Variants in IDE observed in about 807,000 individuals in gnomAD.
IDE encodes the protein insulin-degrading enzyme.
Under a neutral mutation model 133.2 loss-of-function variants are expected in IDE, and 58 were observed. The observed-to-expected ratio is 0.44, with a 90% CI of 0.35 to 0.54. IDE has a LOEUF of 0.54. Among genes scored for constraint, IDE ranks in the 20% least tolerant of loss-of-function variants. The pLI, the probability that IDE is intolerant of heterozygous loss-of-function variation, is 0.00. For missense variants in IDE, 981 were observed against 1,234.0 expected, an observed-to-expected ratio of 0.79 and a Z score of 3.07; for synonymous variants, 396 against 421.3, an observed-to-expected ratio of 0.94 and a Z score of 0.73.
intron 4 of IDE, among the ~76,000 whole-genome samples, chr10:92,524,462 T>A (rs369293426): frequency 0.051 from 2,371 of 46,706 alleles, 520 homozygotes; most frequent in Non-Finnish European, 0.064. Context: ...TATTATATAT[T>A]TTATATAATA....
Position 92,480,687 on chromosome 10 carries a change from T to TG in IDE, c.1740-1267dup, listed in dbSNP as rs1349458360. 2.0e-5 allele frequency: 3 copies of TG among 152,466 alleles called. No individual in the cohort carries two copies. The East Asian group carries it at 5.8e-4, about 29-fold the overall frequency. 9.4% of individuals were successfully genotyped at this position (152,466 alleles called of 1,614,324 possible). On this transcript the variant is annotated intron_variant, in intron 14 of 24. Coordinates refer to ENST00000265986, the MANE Select transcript of IDE (RefSeq NM_004969.4). The stretch of plus-strand genomic sequence containing the variant: ...GAGGCAGGTGCCTGCTTGGCTTGTT[T>TG]GGCAGCAAATTAAAAGTTTCACTCT...
intron 5 of IDE, among the ~76,000 whole-genome samples, chr10:92,510,555 A>C (rs1283724060): frequency 6.6e-6 from 1 of 151,974 alleles, no homozygotes; most frequent in Admixed American, 6.6e-5. Context: ...TTTATTTATA[A>C]AAGACGCCTA....
At chr10:92,563,049 G>A (rs943312383) in intron 1 of IDE, among the ~76,000 whole-genome samples, 8 of 152,150 alleles carry the variant, frequency 5.3e-5, no homozygotes, top group East Asian at 1.9e-4. Context: ...TCAGGCGTTC[G>A]AGACCAGCCT....
chr10:92,482,157 T>C (rs550403038), intron 14 of IDE, among the ~76,000 whole-genome samples: 1 of 152,328 alleles, frequency 6.6e-6, no homozygotes, highest in Admixed American at 6.5e-5. Context: ...AAACCTTATC[T>C]ACCTCTAATT....
chr10:92,530,054 C>T (rs1849830337), intron 4 of IDE, among the ~76,000 whole-genome samples: 1 of 151,852 alleles, frequency 6.6e-6, no homozygotes, highest in South Asian at 2.1e-4. Context: ...GGAGAAACCC[C>T]GCCTCTACTA....
At chr10:92,549,028 C>A (rs1004801523) in intron 1 of IDE, among the ~76,000 whole-genome samples, 1 of 152,074 alleles carries the variant, frequency 6.6e-6, no homozygotes, top group Admixed American at 6.6e-5. Context: ...GAGGCTGAGG[C>A]GGGCGGATCA....
chr10:92,470,335 A>G lies in IDE; in HGVS notation c.2127T>C (p.Leu709=). The change falls in exon 18 of 25, where the codon CTT becomes CTC. Residue 709 remains leucine (L), a synonymous_variant. Coordinates refer to ENST00000265986, the MANE Select transcript of IDE (RefSeq NM_004969.4). ...GAGGTATGAAGGCCTTAAGGCGAGG[A>G]AGGGTTACATCTGCAAAGGTGTAAG... ...ELKEALDDVT[L]PRLKAFIPQL... is the part of the protein sequence containing the mutation. 4.4e-6 allele frequency: 7 copies of G among 1,602,602 alleles called. No individual in the cohort carries two copies. Among genetic ancestry groups the G allele is most frequent in the Non-Finnish European group, 6.0e-6 (7 of 1,173,534 alleles).
chr10:92,526,845 CAAAAAAAAAAA>C lies in IDE; in HGVS notation c.661+4892_661+4902del, dbSNP rs1165598095. Among the ~76,000 whole-genome samples the C allele has an allele frequency of 1.3e-4, 7 of 54,286 alleles. No individual in the cohort carries two copies. The South Asian group carries it at 2.5e-3, about 20-fold the overall frequency. The allele number at this position is 54,286 out of a possible 152,430, so 35.6% of individuals were successfully genotyped here. The stretch of plus-strand genomic sequence containing the variant: ...TGGGCAACAGGGTGAGGCCCTGTCT[CAAAAAAAAAAA>C]AAAAAAAAAAAAAGGACAGGGTCTC... On this transcript the variant is annotated intron_variant, in intron 4 of 24. Coordinates refer to ENST00000265986, the MANE Select transcript of IDE (RefSeq NM_004969.4).
chr10:92,466,230 CAAAAA>C (rs59698259), intron 19 of IDE, among the ~76,000 whole-genome samples: 10 of 69,978 alleles, frequency 1.4e-4, no homozygotes, highest in African/African-American at 5.9e-4. Context: ...GACCCTGTCT[CAAAAA>C]AAAAAAAAAA....
intron 13 of IDE, 87 bp from the exon 14 acceptor site, chr10:92,483,424 C>T: frequency 1.4e-6 from 1 of 737,372 alleles, no homozygotes; most frequent in Non-Finnish European, 2.4e-6. Flanking sequence ...AGGAGGAGGA[C>T]AGAAGCAATA....
chr10:92,505,251 G>A (rs1280550920), intron 10 of IDE, among the ~76,000 whole-genome samples: 1 of 152,062 alleles, frequency 6.6e-6, no homozygotes, highest in Non-Finnish European at 1.5e-5. Context: ...ACACCTACAG[G>A]ATTTTTAAAA....
chr10:92,562,078 T>C (rs1030588499), intron 1 of IDE, among the ~76,000 whole-genome samples: 1 of 152,170 alleles, frequency 6.6e-6, no homozygotes, highest in Non-Finnish European at 1.5e-5. Flanking sequence ...CTCAAGCTAA[T>C]TGCTGCCAGG....
chr10:92,544,545 G>A (rs1388129504), intron 1 of IDE, among the ~76,000 whole-genome samples: 1 of 152,228 alleles, frequency 6.6e-6, no homozygotes, highest in East Asian at 1.9e-4. Context: ...GCGTGGGAAG[G>A]GGAGGGACAG....
intron 21 of IDE, among the ~76,000 whole-genome samples, chr10:92,462,408 G>A (rs996890067): frequency 1.3e-5 from 2 of 151,676 alleles, no homozygotes; most frequent in Non-Finnish European, 2.9e-5. Context: ...ATCACCTAAG[G>A]TTGGGAGTTC....
intron 4 of IDE, among the ~76,000 whole-genome samples, chr10:92,519,662 A>T (rs916382063): frequency 1.3e-5 from 2 of 152,228 alleles, no homozygotes; most frequent in Non-Finnish European, 2.9e-5. Context: ...AGGTGCTAAA[A>T]GCAAGGAAAG....
chr10:92,463,824 C>A lies in IDE; in HGVS notation c.2668G>T (p.Ala890Ser), dbSNP rs756421508. 8.7e-6 allele frequency: 14 copies of A among 1,614,022 alleles called. No individual in the cohort carries two copies. Among genetic ancestry groups the A allele is most frequent in the Non-Finnish European group, 1.2e-5 (14 of 1,179,998 alleles). Residue 890 changes from alanine to serine, a missense_variant, in exon 21 of 25, where the codon GCA becomes TCA. This residue lies in a region of IDE where 660 missense variants were observed against 894.7 expected (regional missense o/e 0.74). Transcript: ENST00000265986. Reference sequence around the variant, plus strand: ...TTTGGTTTGTCTAGTCGACGAATTGCTAATGCCTGAATGTGTTTTTGGAAG... The same window carrying A: ...TTTGGTTTGTCTAGTCGACGAATTGATAATGCCTGAATGTGTTTTTGGAAG... ...EAFQKHIQALAIRRLDKPKKL... is the reference protein window; with the variant it reads ...EAFQKHIQALSIRRLDKPKKL...
intron 5 of IDE, among the ~76,000 whole-genome samples, chr10:92,511,102 C>CTTTT (rs749758838): frequency 4.7e-5 from 5 of 105,400 alleles, no homozygotes; most frequent in African/African-American, 7.4e-5. Context: ...AAAAAAAAAA[C>CTTTT]TTTTTTTTTT....
intron 15 of IDE, among the ~76,000 whole-genome samples, chr10:92,476,538 G>A (rs931336405): frequency 6.6e-6 from 1 of 151,860 alleles, no homozygotes; most frequent in African/African-American, 2.4e-5. Flanking sequence ...GGGTACCCAG[G>A]CTAGACTCAA....
chr10:92,540,779 C>T (rs924761095), intron 1 of IDE, among the ~76,000 whole-genome samples: 1 of 152,142 alleles, frequency 6.6e-6, no homozygotes, highest in African/African-American at 2.4e-5. Context: ...AGGTTAAAAA[C>T]TCTATATAAA....
Sources: gnomAD v4.1 joint callset for allele counts (sites outside exome capture counted in the v4.1 genomes callset) on GRCh38, gnomAD v4.1.1 for gene constraint, gnomAD v4.1.1 regional missense constraint, MANE v1.5 for transcripts, NCBI Gene and HGNC (gene_info 2026-07-23, HGNC 2026-07-21) for gene names.